The following GLRA2 variants were observed in gnomAD, a reference collection of about 807,000 sequenced individuals.
GLRA2 encodes glycine receptor subunit alpha-2.
In GLRA2, 11 loss-of-function variants were observed where a neutral mutation model predicts 31.6. The observed-to-expected ratio is 0.35, with a 90% confidence interval of 0.22 to 0.58. The LOEUF is 0.58. Among genes scored for constraint, GLRA2 ranks in the 20% least tolerant of loss-of-function variants. The pLI, the probability that GLRA2 is intolerant of heterozygous loss-of-function variation, is 0.84. For missense variants in GLRA2, 212 were observed against 351.8 expected, an observed-to-expected ratio of 0.60 and a Z score of 3.18; for synonymous variants, 132 against 134.0, an observed-to-expected ratio of 0.99 and a Z score of 0.10.
intron 4 of GLRA2, among the ~76,000 whole-genome samples, chrX:14,595,126 T>C (rs1488753159): frequency 9.0e-6 from 1 of 111,190 alleles, no homozygotes; most frequent in African/African-American, 3.3e-5. Flanking sequence ...GTTTCATCTT[T>C]CCCTTTGATT....
chrX:14,518,715 A>G, the GLRA2 span, among the ~76,000 whole-genome samples: 2 of 110,351 alleles, frequency 1.8e-5, no homozygotes, highest in Admixed American at 1.9e-4. Flanking sequence ...GAAAGCTGAC[A>G]TAAGACATCA....
the GLRA2 span, among the ~76,000 whole-genome samples, chrX:14,450,742 A>G: frequency 9.0e-6 from 1 of 111,418 alleles, no homozygotes; most frequent in Non-Finnish European, 1.9e-5. Context: ...GTCTCACTCC[A>G]TCATCCATGC....
At chrX:14,478,904 A>G in the GLRA2 span, among the ~76,000 whole-genome samples, 1 of 112,136 alleles carries the variant, frequency 8.9e-6, no homozygotes, top group Non-Finnish European at 1.9e-5. Context: ...TGAATACATT[A>G]TTTGGAATTG....
chrX:14,478,973 GT>G, the GLRA2 span, among the ~76,000 whole-genome samples: 2 of 111,795 alleles, frequency 1.8e-5, no homozygotes, highest in South Asian at 7.4e-4. Flanking sequence ...TGGAGGTGAT[GT>G]TAACTTAGGA....
chrX:14,568,081 C>G (rs7879582), intron 2 of GLRA2, among the ~76,000 whole-genome samples: 2,134 of 111,541 alleles, frequency 0.019, 48 homozygotes, highest in African/African-American at 0.067. Flanking sequence ...AATGCAATCC[C>G]TATCAAAATT....
At chrX:14,517,920 TATG>T in the GLRA2 span, among the ~76,000 whole-genome samples, 7 of 111,413 alleles carry the variant, frequency 6.3e-5, no homozygotes, top group South Asian at 3.7e-4. Context: ...ATTTTAATAA[TATG>T]ATCAAGAAAG....
chrX:14,561,459 C>T (rs1024750089), intron 2 of GLRA2, among the ~76,000 whole-genome samples: 11 of 112,647 alleles, frequency 9.8e-5, no homozygotes, highest in Non-Finnish European at 5.6e-5. Flanking sequence ...AACACAGCCA[C>T]ACTCATTTAT....
intron 7 of GLRA2, among the ~76,000 whole-genome samples, chrX:14,632,784 A>G (rs1207307835): frequency 9.0e-6 from 1 of 111,565 alleles, no homozygotes; most frequent in Non-Finnish European, 1.9e-5. Context: ...CTGCCACTAA[A>G]TCACATATTC....
chrX:14,531,283 G>A (rs2089252278), intron 1 of GLRA2: 1 of 364,068 alleles, frequency 2.7e-6, no homozygotes, highest in Non-Finnish European at 4.7e-6. Context: ...TGGCAAGAAT[G>A]TGGTATTTTC....
the GLRA2 span, among the ~76,000 whole-genome samples, chrX:14,481,953 A>G: frequency 8.9e-6 from 1 of 111,957 alleles, no homozygotes; most frequent in Admixed American, 9.5e-5. Flanking sequence ...CAATGTTTCT[A>G]TTTTATAGAA....
At chrX:14,511,334 C>T in the GLRA2 span, among the ~76,000 whole-genome samples, 1 of 111,693 alleles carries the variant, frequency 9.0e-6, no homozygotes, top group Non-Finnish European at 1.9e-5. Flanking sequence ...CAATATTTTC[C>T]ACAGACTTAG....
intron 5 of GLRA2, 84 bp from the exon 6 acceptor site, chrX:14,607,046 TC>T (rs2090341539): frequency 7.7e-6 from 5 of 651,768 alleles, no homozygotes; most frequent in African/African-American, 6.6e-5. Flanking sequence ...TTAGACAGTT[TC>T]TTTGTTTGTT....
At chrX:14,518,309 C>T in the GLRA2 span, among the ~76,000 whole-genome samples, 1 of 112,152 alleles carries the variant, frequency 8.9e-6, no homozygotes, top group East Asian at 2.8e-4. Flanking sequence ...AACAACTTGG[C>T]ATCCTCTAAT....
At chrX:14,557,329 G>A (rs191522050) in intron 2 of GLRA2, among the ~76,000 whole-genome samples, 1,128 of 108,543 alleles carry the variant, frequency 0.01, 11 homozygotes, top group African/African-American at 0.035. Context: ...GTTAGCCAGG[G>A]TGGTCTTGAT....
chrX:14,611,366 TTAA>T (rs1365496069), intron 7 of GLRA2, among the ~76,000 whole-genome samples: 1 of 112,945 alleles, frequency 8.9e-6, no homozygotes, highest in Admixed American at 9.3e-5. Context: ...GAAAACATGA[TTAA>T]TGTTAACCAA....
the GLRA2 span, among the ~76,000 whole-genome samples, chrX:14,523,014 T>G: frequency 1.9e-4 from 21 of 112,108 alleles, no homozygotes; most frequent in African/African-American, 6.8e-4. Context: ...AGGCATTGAC[T>G]TCTCTCTAGC....
upstream of GLRA2, among the ~76,000 whole-genome samples, chrX:14,525,514 A>G (rs1188745464): frequency 2.7e-5 from 3 of 111,632 alleles, no homozygotes; most frequent in Admixed American, 1.9e-4. Context: ...GATTTTCAAG[A>G]GTATTCTACA....
At chrX:14,565,154 AC>A (rs1239441990) in intron 2 of GLRA2, among the ~76,000 whole-genome samples, 2 of 111,901 alleles carry the variant, frequency 1.8e-5, no homozygotes, top group African/African-American at 6.5e-5. Context: ...TGGATTAAAC[AC>A]CCTAATCAAA....
intron 7 of GLRA2, among the ~76,000 whole-genome samples, chrX:14,672,833 T>C (rs1326722946): frequency 9.0e-6 from 1 of 111,701 alleles, no homozygotes; most frequent in Admixed American, 9.5e-5. Context: ...TCACTTTGAA[T>C]AGTATGAAAC....
Sources: allele counts gnomAD v4.1 joint callset (sites outside exome capture counted in the v4.1 genomes callset), GRCh38; gene constraint gnomAD v4.1.1; transcripts MANE v1.5; gene names NCBI Gene and HGNC (gene_info 2026-07-23, HGNC 2026-07-21).